COBLL1: variants seen among roughly 807,000 people sequenced by gnomAD.
COBLL1 encodes cordon-bleu WH2 repeat protein like 1, also known as cordon-bleu protein-like 1.
Under a neutral mutation model 94.8 loss-of-function variants are expected in COBLL1, and 50 were observed. The observed-to-expected ratio is 0.53, with a 90% CI of 0.42 to 0.67. COBLL1 has a LOEUF of 0.67. Ranked by LOEUF, COBLL1 falls within the 30% of genes least tolerant of loss-of-function variation. The pLI is 0.00. For missense variants in COBLL1, 1,362 were observed against 1,348.7 expected, an observed-to-expected ratio of 1.01 and a Z score of -0.15; for synonymous variants, 448 against 473.8, an observed-to-expected ratio of 0.95 and a Z score of 0.71.
At chr2:164,687,478 A>G (rs1338735193) in intron 13 of COBLL1, 4 of 1,453,936 alleles carry the variant, frequency 2.8e-6, no homozygotes, top group African/African-American at 1.4e-5. Flanking sequence ...CAGGGCCTCA[A>G]TCACATGCTC....
At chr2:164,696,235 T>A (rs933242536) in intron 11 of COBLL1, 1 of 154,848 alleles carries the variant, frequency 6.5e-6, no homozygotes, top group African/African-American at 2.4e-5. Context: ...CAGTCATTGT[T>A]CATGACAAAA....
At chr2:164,801,911 T>C (rs574272936) in intron 2 of COBLL1, among the ~76,000 whole-genome samples, 28 of 152,318 alleles carry the variant, frequency 1.8e-4, no homozygotes, top group Middle Eastern at 6.8e-3. Flanking sequence ...GTGAAGCTCC[T>C]ACGGACAGAA....
chr2:164,783,339 G>T (rs1688799412), intron 2 of COBLL1, among the ~76,000 whole-genome samples: 1 of 152,152 alleles, frequency 6.6e-6, no homozygotes, highest in Non-Finnish European at 1.5e-5. Context: ...CTTGAGCCTG[G>T]GAGGTCAAAG....
chr2:164,818,223 T>C (rs1684891440), intron 2 of COBLL1, among the ~76,000 whole-genome samples: 3 of 150,654 alleles, frequency 2.0e-5, no homozygotes, highest in Admixed American at 6.6e-5. Context: ...TATATACATA[T>C]ATACATATGC....
intron 2 of COBLL1, among the ~76,000 whole-genome samples, chr2:164,802,212 A>G (rs973881959): frequency 5.9e-5 from 9 of 152,236 alleles, no homozygotes; most frequent in African/African-American, 2.2e-4. Flanking sequence ...AATTGTTAAG[A>G]AACTGAAACA....
At chr2:164,820,198 G>T (rs1685095794) in intron 2 of COBLL1, among the ~76,000 whole-genome samples, 1 of 151,126 alleles carries the variant, frequency 6.6e-6, no homozygotes, top group South Asian at 2.1e-4. Context: ...TTATTGGAGT[G>T]AGCAAAATGC....
At chr2:164,668,104 C>T (rs1177554865) in intron 1 of COBLL1, among the ~76,000 whole-genome samples, 2 of 152,150 alleles carry the variant, frequency 1.3e-5, no homozygotes, top group East Asian at 3.9e-4. Context: ...GCTGGGACTA[C>T]AGGCATGCAC....
At chr2:164,732,312 T>A (rs1340082632) in intron 3 of COBLL1, among the ~76,000 whole-genome samples, 2 of 152,206 alleles carry the variant, frequency 1.3e-5, no homozygotes, top group Non-Finnish European at 2.9e-5. Context: ...GCTATGCCCA[T>A]AAATGTATCT....
intron 2 of COBLL1, among the ~76,000 whole-genome samples, chr2:164,799,037 AAG>A (rs1553479698): frequency 3.3e-5 from 5 of 151,488 alleles, no homozygotes; most frequent in Admixed American, 1.3e-4. Flanking sequence ...AAAAAAAAAA[AAG>A]AGGGGGTAAG....
chr2:164,816,687 G>A (rs1048567612), intron 2 of COBLL1, among the ~76,000 whole-genome samples: 2 of 152,180 alleles, frequency 1.3e-5, no homozygotes, highest in Admixed American at 6.5e-5. Flanking sequence ...GGTTGGCTGT[G>A]TGGGACTAAG....
intron 2 of COBLL1, among the ~76,000 whole-genome samples, chr2:164,758,580 G>T (rs967928739): frequency 2.6e-5 from 4 of 151,856 alleles, no homozygotes; most frequent in Admixed American, 2.6e-4. Context: ...TTGTTGCCTT[G>T]CAAGCAACAT....
intron 2 of COBLL1, among the ~76,000 whole-genome samples, chr2:164,745,171 CA>C (rs1357408800): frequency 1.3e-5 from 2 of 152,072 alleles, no homozygotes; most frequent in African/African-American, 4.8e-5. Context: ...TCGGTATTTT[CA>C]AAATTTAAGG....
intron 2 of COBLL1, among the ~76,000 whole-genome samples, chr2:164,806,937 C>T (rs185704846): frequency 1.5e-3 from 223 of 152,204 alleles, no homozygotes; most frequent in Non-Finnish European, 2.6e-3. Flanking sequence ...AATTCCTGAG[C>T]TCAGGTTATC....
At position 164,695,427 on chromosome 2, in the gene COBLL1, C is replaced by T. The variant is rs372326092; in HGVS notation, c.1965G>A (p.Arg655=). 1.2e-6 allele frequency: 2 copies of T among 1,613,656 alleles called. No individual in the cohort carries two copies. Among genetic ancestry groups the T allele is most frequent in the Admixed American group, 1.7e-5 (1 of 59,932 alleles). The stretch of plus-strand genomic sequence containing the variant: ...TTAGGGTGCCTTGACTCCTGAATTC[C>T]CTTGAGGTATTTACAGAATCTTGTG... The part of the protein sequence containing the change: ...LSSQDSVNTS[R]EFRSQGTLII... The change falls in exon 12 of 14, where the codon AGG becomes AGA. Residue 655 remains arginine (R), a synonymous_variant. Coordinates refer to ENST00000652658, the MANE Select transcript of COBLL1 (RefSeq NM_001365672.2).
rs967928739 is a variant in COBLL1, at chr2:164,758,580, G to C, written c.42-14705C>G. ...CCTTTGCACTTGTGTTTGTTGCCTT[G>C]CAAGCAACATATATGGGAGAATCAC... On this transcript the variant is annotated intron_variant, in intron 2 of 13. Transcript: ENST00000652658. 2.0e-5 allele frequency among the ~76,000 whole-genome samples: 3 copies of C among 151,974 alleles called. No individual in the cohort carries two copies. In the Middle Eastern group the frequency reaches 0.01, roughly 517 times the overall value.
intron 2 of COBLL1, among the ~76,000 whole-genome samples, chr2:164,809,855 C>T (rs1317968451): frequency 6.6e-6 from 1 of 151,654 alleles, no homozygotes; most frequent in Non-Finnish European, 1.5e-5. Context: ...TATAATAGAA[C>T]TAGAATTTTA....
intron 2 of COBLL1, among the ~76,000 whole-genome samples, chr2:164,796,939 C>T (rs927646990): frequency 6.6e-6 from 1 of 152,060 alleles, no homozygotes; most frequent in African/African-American, 2.4e-5. Flanking sequence ...TGCACCACTG[C>T]ACTTCAGCCT....
intron 13 of COBLL1, 143 bp downstream of exon 13, chr2:164,692,078 T>C (rs940836859): frequency 4.4e-6 from 3 of 682,974 alleles, no homozygotes; most frequent in Non-Finnish European, 6.9e-6. Flanking sequence ...TCTGGAACTC[T>C]TTCAGCTTAT....
intron 2 of COBLL1, among the ~76,000 whole-genome samples, chr2:164,816,967 C>G (rs1356912091): frequency 6.6e-6 from 1 of 151,986 alleles, no homozygotes; most frequent in Non-Finnish European, 1.5e-5. Context: ...GATCAAGGCC[C>G]CAGGAGGAAA....
Sources: gnomAD v4.1 joint callset for allele counts (sites outside exome capture counted in the v4.1 genomes callset) on GRCh38, gnomAD v4.1.1 for gene constraint, MANE v1.5 for transcripts, NCBI Gene and HGNC (gene_info 2026-07-23, HGNC 2026-07-21) for gene names.